SCLY: variants seen among roughly 807,000 people sequenced by gnomAD.
SCLY encodes the protein putative selenocysteine lyase.
SCLY carries 38 observed loss-of-function variants against 50.1 expected under a neutral mutation model. The observed-to-expected ratio is 0.76, with a 90% CI of 0.59 to 0.99. The LOEUF is 0.99. Ranked by LOEUF, SCLY falls within the 50% of genes least tolerant of loss-of-function variation. SCLY has a pLI of 0.00. For missense variants in SCLY, 600 were observed against 620.0 expected (o/e 0.97, Z 0.34); for synonymous variants, 243 against 249.4 (o/e 0.97, Z 0.24).
intron 4 of SCLY, among the ~76,000 whole-genome samples, chr2:238,073,552 T>C (rs2065145630): frequency 6.6e-6 from 1 of 152,246 alleles, no homozygotes; most frequent in Admixed American, 6.5e-5. Context: ...ATTAAGTTTT[T>C]GCACTTCTGT....
At chr2:238,097,878 G>A (rs999017762) in intron 11 of SCLY, among the ~76,000 whole-genome samples, 3 of 152,142 alleles carry the variant, frequency 2.0e-5, no homozygotes, top group South Asian at 2.1e-4. Context: ...GTCGGCATCC[G>A]TGTTCTCCAG....
intron 1 of SCLY, among the ~76,000 whole-genome samples, chr2:238,061,668 G>A (rs1412427947): frequency 5.9e-5 from 9 of 152,176 alleles, no homozygotes; most frequent in Non-Finnish European, 2.9e-5. Context: ...TAACAACCTA[G>A]GAGAGAGATG....
intron 8 of SCLY, chr2:238,091,553 T>A: frequency 3.2e-5 from 11 of 338,864 alleles, no homozygotes; most frequent in Admixed American, 8.8e-5. Flanking sequence ...GGTTCACCAT[T>A]CCCAAAGGCG....
chr2:238,081,516 C>A (rs1329808180), intron 4 of SCLY, 193 bp from the exon 5 acceptor site: 3 of 664,582 alleles, frequency 4.5e-6, no homozygotes, highest in African/African-American at 3.6e-5. Context: ...GTTAAAGACA[C>A]GTTCACACTG....
At chr2:238,077,732 C>T (rs1409074886) in intron 4 of SCLY, among the ~76,000 whole-genome samples, 6 of 152,316 alleles carry the variant, frequency 3.9e-5, no homozygotes, top group Admixed American at 3.9e-4. Flanking sequence ...CCCGGCCAGG[C>T]AGTCATCTGA....
chr2:238,091,435 A>T lies in SCLY; in HGVS notation c.921+181A>T, dbSNP rs2065361083. On this transcript the variant is annotated intron_variant, in intron 8 of 11. Transcript: ENST00000254663. ...GAGCTGTACTTTTTCAGATCTGTGG[A>T]TTAGTGGCACTTGTTTAGCATTTAA... 4.6e-6 allele frequency: 3 copies of T among 657,192 alleles called. No individual in the cohort carries two copies. The East Asian group carries it at 8.0e-5, about 17-fold the overall frequency. 40.7% of individuals were successfully genotyped at this position (657,192 alleles called of 1,614,324 possible). A position where few individuals can be genotyped will look rare whatever the true frequency, so the allele number is the denominator to read the frequency against.
At position 238,091,268 on chromosome 2, in the gene SCLY, A is replaced by G. The variant is rs759469230; in HGVS notation, c.921+14A>G. On this transcript the variant is annotated intron_variant, in intron 8 of 11. Transcript: ENST00000254663. ...GGCCTTGGGAAGGTGAGCCCTGGTG[A>G]GCTTGAGGAGATGAGTTGATTGCTT... The G allele has an allele frequency of 6.2e-7, 1 of 1,611,376 alleles. No homozygotes were observed. The highest frequency in any genetic ancestry group is 2.2e-5 in the East Asian group (1 of 44,858).
intron 1 of SCLY, 170 bp downstream of exon 1, chr2:238,061,313 G>T: frequency 4.2e-6 from 3 of 716,044 alleles, no homozygotes; most frequent in Non-Finnish European, 5.2e-6. Context: ...AAGGAGGAGC[G>T]GGTGCGAGCT....
rs1559247997 is a variant in SCLY, at chr2:238,083,721, T to C, written c.884+367T>C. Among the ~76,000 whole-genome samples the C allele has an allele frequency of 6.6e-6, 1 of 152,250 alleles. No individual in the cohort carries two copies. Among genetic ancestry groups the C allele is most frequent in the Non-Finnish European group, 1.5e-5 (1 of 68,040 alleles). ...GCAGGACCACACAGAAGCACTGGTC[T>C]CCTTTCTGATAGCTCCTGTGTCCCC... On this transcript the variant is annotated intron_variant, in intron 7 of 11. Coordinates refer to ENST00000254663, the MANE Select transcript of SCLY (RefSeq NM_016510.7). This position sits in a 1 kb window ranked among gnomAD's most constrained non-coding sequence, Gnocchi z 4.3.
At chr2:238,073,025 G>T (rs556349882) in intron 4 of SCLY, among the ~76,000 whole-genome samples, 8 of 152,294 alleles carry the variant, frequency 5.3e-5, no homozygotes, top group African/African-American at 1.4e-4. Context: ...GGTACATTTT[G>T]AGTTAATTTT....
At chr2:238,096,676 T>C in intron 10 of SCLY, 125 bp from the exon 11 acceptor site, 1 of 1,032,898 alleles carries the variant, frequency 9.7e-7, no homozygotes, top group South Asian at 1.4e-5. Flanking sequence ...GAATGGCCAG[T>C]GCTGGAATTC....
rs76625747 is a variant in SCLY at position 238,068,120 on chromosome 2, A to G, written c.258A>G (p.Ile86Met). The change falls in exon 3 of 12, where the codon ATA (isoleucine) becomes ATG (methionine). Residue 86 changes from isoleucine (I) to methionine (M), a missense_variant. Physicochemically the swap from Ile to Met is conservative, Grantham distance 10. Transcript: ENST00000254663. ...CTCGGGAAAGCCTCGCGAAGATGAT[A>G]GGGGGGAAACCTCAAGATATAATCT... is the stretch of plus-strand genomic sequence containing the variant. ...NAARESLAKM[I>M]GGKPQDIIFT... 4,280 of 1,611,698 alleles carry G rather than the reference A, an allele frequency of 2.7e-3. 97 individuals are homozygous for G. The African/African-American group carries it at 0.05, about 19-fold the overall frequency.
In SCLY at chr2:238,094,553, T is replaced by C. The variant is rs1207066271; in HGVS notation, c.1108+31T>C. The C allele has an allele frequency of 2.6e-6, 4 of 1,545,206 alleles. No individual in the cohort carries two copies. The East Asian group carries it at 9.0e-5, about 35-fold the overall frequency. On this transcript the variant is annotated intron_variant, in intron 10 of 11. Coordinates refer to ENST00000254663, the MANE Select transcript of SCLY (RefSeq NM_016510.7). ...GGCCCCTCACCCTGGTCTTTCCGAGTGTGAGCACAGCTCCCTCGGTGCGTG... is the reference window on the plus strand; with the variant it reads ...GGCCCCTCACCCTGGTCTTTCCGAGCGTGAGCACAGCTCCCTCGGTGCGTG...
chr2:238,068,630 C>G (rs980802372), intron 3 of SCLY, among the ~76,000 whole-genome samples: 2 of 152,108 alleles, frequency 1.3e-5, no homozygotes, highest in Non-Finnish European at 2.9e-5. Context: ...AAGTAAATTC[C>G]AGGTAGCCGA....
rs890113345 is a variant in SCLY, at chr2:238,069,132, A to G, written c.304-165A>G. 2.6e-5 allele frequency among the ~76,000 whole-genome samples: 4 copies of G among 152,254 alleles called. No homozygotes were observed. Among genetic ancestry groups the G allele is most frequent in the African/African-American group, 9.6e-5 (4 of 41,462 alleles). On this transcript the variant is annotated intron_variant, in intron 3 of 11. Coordinates refer to ENST00000254663, the MANE Select transcript of SCLY (RefSeq NM_016510.7). This position sits in a 1 kb window ranked among gnomAD's most constrained non-coding sequence, Gnocchi z 5.0. ...ATTGACTGGAATCTCATGTTTTTGA[A>G]TGTTGGAAAACCCCAAATCTTTCAA... is the stretch of plus-strand genomic sequence containing the variant.
At chr2:238,080,084 C>T (rs935935860) in intron 4 of SCLY, 8 of 152,166 alleles carry the variant, frequency 5.3e-5, no homozygotes, top group African/African-American at 1.9e-4. Context: ...CCAGTGAATT[C>T]TTCATATCGG....
At chr2:238,095,042 A>G (rs1050741919) in intron 10 of SCLY, among the ~76,000 whole-genome samples, 1 of 152,064 alleles carries the variant, frequency 6.6e-6, no homozygotes, top group Non-Finnish European at 1.5e-5. Context: ...CTCTACCAAA[A>G]ACTACAAAAA....
intron 4 of SCLY, chr2:238,080,700 G>A (rs2065227986): frequency 6.6e-6 from 1 of 152,278 alleles, no homozygotes; most frequent in South Asian, 2.1e-4. Flanking sequence ...CTGGGCGTGT[G>A]GTGCTGTCTC....
chr2:238,091,433 G>A (rs1212244118), intron 8 of SCLY, 179 bp downstream of exon 8: 23 of 659,446 alleles, frequency 3.5e-5, no homozygotes, highest in South Asian at 1.8e-5. Context: ...TCAGATCTGT[G>A]GATTAGTGGC....
Sources: allele counts gnomAD v4.1 joint callset (sites outside exome capture counted in the v4.1 genomes callset), GRCh38; gene constraint gnomAD v4.1.1; non-coding constraint Gnocchi (gnomAD v3.1); transcripts MANE v1.5; gene names NCBI Gene and HGNC (gene_info 2026-07-23, HGNC 2026-07-21).